Variants in MKRN2OS observed in about 807,000 individuals in gnomAD.
MKRN2OS encodes the protein MKRN2 opposite strand protein.
In MKRN2OS, 17 loss-of-function variants were observed where a neutral mutation model predicts 18.2. The ratio of observed to expected loss-of-function variants is 0.93; its 90% confidence interval spans 0.64 to 1.40. The LOEUF is 1.40. Among genes scored for constraint, MKRN2OS ranks in the 40% most tolerant of loss-of-function variants. The pLI, the probability that MKRN2OS is intolerant of heterozygous loss-of-function variation, is 0.00. For missense variants in MKRN2OS, 337 were observed against 283.0 expected, an observed-to-expected ratio of 1.19 and a Z score of -1.37; for synonymous variants, 121 against 108.5, an observed-to-expected ratio of 1.12 and a Z score of -0.72.
intron 1 of MKRN2OS, among the ~76,000 whole-genome samples, chr3:12,544,770 T>A (rs2057863222): frequency 6.6e-6 from 1 of 152,214 alleles, no homozygotes; most frequent in Admixed American, 6.5e-5. Context: ...GAACTGAATT[T>A]GTTCTTAAAG....
upstream of MKRN2OS, among the ~76,000 whole-genome samples, chr3:12,548,028 G>A (rs377454351): frequency 6.6e-5 from 10 of 152,158 alleles, no homozygotes; most frequent in Non-Finnish European, 1.2e-4. Flanking sequence ...CACATGGTAC[G>A]GCCGGGCGCA....
chr3:12,540,267 G>T lies in MKRN2OS; in HGVS notation c.598C>A (p.Arg200=), dbSNP rs922613288. 1 of 1,536,000 alleles carries T rather than the reference G, an allele frequency of 6.5e-7. No homozygotes were observed. The highest frequency in any genetic ancestry group is 1.4e-5 in the African/African-American group (1 of 73,030). ...SKFITLYRAI[R]EHGFYVTDCP... is the part of the protein sequence containing the mutation. ...TCAGTGACGTAGAAGCCATGCTCCC[G>T]TATCGCCCGGTAGAGTGTGATGAAC... Residue 200 remains arginine (R), a synonymous_variant, in exon 4 of 4, where the codon CGG becomes AGG. Coordinates refer to ENST00000564146, the MANE Select transcript of MKRN2OS (RefSeq NM_001195279.2).
chr3:12,559,309 C>T (rs879608576), intron 1 of MKRN2OS, among the ~76,000 whole-genome samples: 4 of 152,170 alleles, frequency 2.6e-5, no homozygotes, highest in Admixed American at 2.0e-4. Flanking sequence ...AAGCTTTTCT[C>T]ACTTTATTAT....
At position 12,545,271 on chromosome 3, in the gene MKRN2OS, C is replaced by T; in HGVS notation, c.194G>A (p.Arg65Lys). 1 of 1,535,634 alleles carries T rather than the reference C, an allele frequency of 6.5e-7. No homozygotes were observed. The highest frequency in any genetic ancestry group is 2.4e-5 in the East Asian group (1 of 40,904). Reference sequence around the variant, plus strand: ...CCTAAGAAATGTCCCCTGAGTTGGTCTGAGGAGGAATGAACATTTTTCTTG... The same window carrying T: ...CCTAAGAAATGTCCCCTGAGTTGGTTTGAGGAGGAATGAACATTTTTCTTG... ...GHQEKCSFLL[R>K]PTQGTFLREY... The change falls in exon 1 of 4, where the codon AGA becomes AAA. Residue 65 changes from arginine to lysine, a missense_variant. Coordinates refer to ENST00000564146, the MANE Select transcript of MKRN2OS (RefSeq NM_001195279.2).
chr3:12,545,292 T>C lies in MKRN2OS; in HGVS notation c.173A>G (p.Glu58Gly). 1 of 1,536,092 alleles carries C rather than the reference T, an allele frequency of 6.5e-7. No individual in the cohort carries two copies. Among genetic ancestry groups the C allele is most frequent in the Non-Finnish European group, 8.7e-7 (1 of 1,146,884 alleles). The change falls in exon 1 of 4, where the codon GAA (glutamate) becomes GGA (glycine). Residue 58 changes from glutamate (E) to glycine (G), a missense_variant. Coordinates refer to ENST00000564146, the MANE Select transcript of MKRN2OS (RefSeq NM_001195279.2). ...TGGTCTGAGGAGGAATGAACATTTT[T>C]CTTGATGTCCATTAGTAAATGGATT... ...IANPFTNGHQ[E>G]KCSFLLRPTQ...
rs778793371 is a variant in MKRN2OS, at chr3:12,543,213, A to G, written c.235T>C (p.Ser79Pro). 15 of 1,535,454 alleles carry G rather than the reference A, an allele frequency of 9.8e-6. No homozygotes were observed. Among genetic ancestry groups the G allele is most frequent in the Non-Finnish European group, 1.3e-5 (15 of 1,146,676 alleles). ...GTFLREYDGR[S>P]DLHVGITNTN... The stretch of plus-strand genomic sequence containing the variant: ...TTAGTTATTCCAACATGAAGATCAG[A>G]CCTTCCATCATACTCTCTGAAAGAA... Residue 79 changes from serine (S) to proline (P), a missense_variant, in exon 2 of 4, where the codon TCT becomes CCT. By Grantham distance (74) the Ser-to-Pro change is moderately conservative. Coordinates refer to ENST00000564146, the MANE Select transcript of MKRN2OS (RefSeq NM_001195279.2).
chr3:12,540,389 A>C lies in MKRN2OS; in HGVS notation c.476T>G (p.Phe159Cys). Residue 159 changes from phenylalanine (F) to cysteine (C), a missense_variant, in exon 4 of 4, where the codon TTC (phenylalanine) becomes TGC (cysteine). By Grantham distance (205) the Phe-to-Cys change is radical. Coordinates refer to ENST00000564146, the MANE Select transcript of MKRN2OS (RefSeq NM_001195279.2). ...HHNCYSYALTFINCVLMAEGR... is the reference protein window; with the variant it reads ...HHNCYSYALTCINCVLMAEGR... ...TTCTGCCATCAGAACGCAGTTAATG[A>C]ACGTGAGTGCGTAAGAGTAGCAGTT... 1 of 1,536,152 alleles carries C rather than the reference A, an allele frequency of 6.5e-7. No homozygotes were observed. The highest frequency in any genetic ancestry group is 8.7e-7 in the Non-Finnish European group (1 of 1,146,910).
At chr3:12,553,200 C>T (rs1280562702), downstream of MKRN2OS, among the ~76,000 whole-genome samples, 1 of 152,030 alleles carries the variant, frequency 6.6e-6, no homozygotes, top group Non-Finnish European at 1.5e-5. Context: ...CAGATACCAG[C>T]ACCTGGCATG....
chr3:12,543,174 A>T lies in MKRN2OS; in HGVS notation c.268+6T>A, dbSNP rs1234655059. 1 of 1,535,248 alleles carries T rather than the reference A, an allele frequency of 6.5e-7. No homozygotes were observed. Among genetic ancestry groups the T allele is most frequent in the South Asian group, 1.2e-5 (1 of 83,978 alleles). ...GGGGTTTTTTAAGCTACAAAACTGCACTTACCATTTGTGTTAGTTATTCCA... is the reference window on the plus strand; with the variant it reads ...GGGGTTTTTTAAGCTACAAAACTGCTCTTACCATTTGTGTTAGTTATTCCA... On this transcript the variant is annotated splice_donor_region_variant and intron_variant, in intron 2 of 3. Transcript: ENST00000564146.
intron 1 of MKRN2OS, chr3:12,557,120 G>A (rs376966478): frequency 6.0e-6 from 9 of 1,493,724 alleles, no homozygotes; most frequent in Admixed American, 4.5e-5. Context: ...GAGAGGCGGC[G>A]GCACGACGAC....
At chr3:12,548,275 C>T (rs1044561006), upstream of MKRN2OS, among the ~76,000 whole-genome samples, 12 of 152,152 alleles carry the variant, frequency 7.9e-5, no homozygotes, top group African/African-American at 2.6e-4. Context: ...GGTGAAACCT[C>T]GTCTGTACTA....
At chr3:12,555,023 G>A (rs2057956311) in intron 1 of MKRN2OS, among the ~76,000 whole-genome samples, 1 of 152,160 alleles carries the variant, frequency 6.6e-6, no homozygotes, top group Admixed American at 6.5e-5. Flanking sequence ...AAAATAAGTG[G>A]CATGGGCTGG....
At chr3:12,560,280 T>G (rs150333825) in intron 1 of MKRN2OS, among the ~76,000 whole-genome samples, 1 of 152,214 alleles carries the variant, frequency 6.6e-6, no homozygotes, top group East Asian at 1.9e-4. Flanking sequence ...AATAACTTGC[T>G]TAAGCTCACA....
At chr3:12,541,643 C>T (rs1459272436) in intron 3 of MKRN2OS, among the ~76,000 whole-genome samples, 1 of 152,088 alleles carries the variant, frequency 6.6e-6, no homozygotes, top group African/African-American at 2.4e-5. Context: ...GCTCTTACAA[C>T]GCTGTGATTT....
At chr3:12,543,583 T>C (rs2057845691) in intron 1 of MKRN2OS, among the ~76,000 whole-genome samples, 1 of 142,360 alleles carries the variant, frequency 7.0e-6, no homozygotes, top group African/African-American at 2.7e-5. Context: ...CGAGAGTCTG[T>C]CCAAGAAAAT....
chr3:12,551,999 T>C (rs1186248124), downstream of MKRN2OS, among the ~76,000 whole-genome samples: 1 of 151,484 alleles, frequency 6.6e-6, no homozygotes, highest in Admixed American at 6.6e-5. Context: ...TTACATTTAG[T>C]GTAAATGGAC....
chr3:12,548,473 A>AAAC (rs2057904320), upstream of MKRN2OS, among the ~76,000 whole-genome samples: 1 of 32,804 alleles, frequency 3.0e-5, no homozygotes, highest in African/African-American at 3.7e-4. Context: ...AAAAAAAAAA[A>AAAC]AAAAAAAAAC....
chr3:12,542,137 G>C, intron 2 of MKRN2OS, 115 bp from the exon 3 acceptor site: 1 of 1,094,212 alleles, frequency 9.1e-7, no homozygotes, highest in East Asian at 2.7e-5. Context: ...ATAAATCCAG[G>C]GTGGAGGTTC....
At chr3:12,553,050 A>G (rs2057941526), downstream of MKRN2OS, among the ~76,000 whole-genome samples, 3 of 151,238 alleles carry the variant, frequency 2.0e-5, no homozygotes, top group Admixed American at 2.0e-4. Context: ...CTTCCTGCAC[A>G]GTAAACTGCA....
Sources: allele counts gnomAD v4.1 joint callset (sites outside exome capture counted in the v4.1 genomes callset), GRCh38; gene constraint gnomAD v4.1.1; transcripts MANE v1.5; gene names NCBI Gene and HGNC (gene_info 2026-07-23, HGNC 2026-07-21).